RBMS3: variants seen among roughly 807,000 people sequenced by gnomAD.
RBMS3 encodes RNA binding motif single stranded interacting protein 3.
In RBMS3, 27 loss-of-function variants were observed where a neutral mutation model predicts 66.8. The observed-to-expected ratio is 0.40, with a 90% CI of 0.30 to 0.56. RBMS3 has a LOEUF of 0.56. Among genes scored for constraint, RBMS3 ranks in the 20% least tolerant of loss-of-function variants. The probability of loss-of-function intolerance (pLI) is 0.40; values close to 1 mark genes in which losing one functional copy is unlikely to be tolerated. For synonymous variants in RBMS3, 188 were observed against 183.0 expected, an observed-to-expected ratio of 1.03 and a Z score of -0.22; for missense variants, 513 against 549.5, an observed-to-expected ratio of 0.93 and a Z score of 0.66.
At chr3:29,846,537 A>G (rs2058781685) in intron 6 of RBMS3, among the ~76,000 whole-genome samples, 1 of 152,210 alleles carries the variant, frequency 6.6e-6, no homozygotes, top group African/African-American at 2.4e-5. Flanking sequence ...GGCCTTTCAA[A>G]TAATACAATA....
chr3:29,498,688 A>G (rs1188553191), intron 3 of RBMS3, among the ~76,000 whole-genome samples: 1 of 152,174 alleles, frequency 6.6e-6, no homozygotes, highest in Non-Finnish European at 1.5e-5. Flanking sequence ...TACACCTGCA[A>G]TACAAAGGTA....
rs1699833558 is a variant in RBMS3, at chr3:30,007,484, C to T, written c.*3622C>T. 6.6e-6 allele frequency: 1 copy of T among 152,054 alleles called. No individual in the cohort carries two copies. The highest frequency in any genetic ancestry group is 2.1e-4 in the South Asian group (1 of 4,830). The allele number at this position is 152,054 out of a possible 1,614,324, so 9.4% of individuals were successfully genotyped here. On this transcript the variant is annotated 3_prime_UTR_variant, in exon 15 of 15. Coordinates refer to ENST00000383767, the MANE Select transcript of RBMS3 (RefSeq NM_001003793.3). ...AGCCACAATCCAAATGAGAGAAACACTGTCTCGTCTAAACTCTAGTTTCAT... is the reference window on the plus strand; with the variant it reads ...AGCCACAATCCAAATGAGAGAAACATTGTCTCGTCTAAACTCTAGTTTCAT...
intron 1 of RBMS3, among the ~76,000 whole-genome samples, chr3:29,409,491 T>G (rs7622604): frequency 0.52 from 78,392 of 152,090 alleles, 22,602 homozygotes; most frequent in African/African-American, 0.78. Context: ...CTTGTCTGAG[T>G]AAATCGACAT....
chr3:29,480,061 C>T (rs2043078105), intron 2 of RBMS3, among the ~76,000 whole-genome samples: 1 of 152,126 alleles, frequency 6.6e-6, no homozygotes, highest in Admixed American at 6.6e-5. Context: ...GATCATTCAG[C>T]ATACAAGGAG....
intron 3 of RBMS3, among the ~76,000 whole-genome samples, chr3:29,526,628 A>AG (rs2045121796): frequency 7.0e-6 from 1 of 142,134 alleles, no homozygotes; most frequent in Non-Finnish European, 1.5e-5. Flanking sequence ...GAGGGATTTT[A>AG]GAGCCTCTTT....
chr3:29,753,003 C>T (rs571165487), intron 5 of RBMS3, among the ~76,000 whole-genome samples: 9 of 152,248 alleles, frequency 5.9e-5, no homozygotes, highest in African/African-American at 2.2e-4. Flanking sequence ...GATGCTCCTA[C>T]AAATGGAGAT....
At chr3:29,976,662 C>G (rs1388031875) in intron 12 of RBMS3, among the ~76,000 whole-genome samples, 2 of 152,082 alleles carry the variant, frequency 1.3e-5, no homozygotes, top group African/African-American at 4.8e-5. Context: ...TGCATGGTCT[C>G]TCATCCCTTG....
chr3:29,401,559 G>A (rs1026034208), intron 1 of RBMS3, among the ~76,000 whole-genome samples: 4 of 152,110 alleles, frequency 2.6e-5, no homozygotes, highest in Middle Eastern at 3.4e-3. Context: ...TAAACTTAGG[G>A]CATGTTTTAA....
At chr3:29,462,432 C>G (rs1198985846) in intron 2 of RBMS3, among the ~76,000 whole-genome samples, 1 of 152,154 alleles carries the variant, frequency 6.6e-6, no homozygotes, top group Admixed American at 6.5e-5. Context: ...GTATCATATT[C>G]TCATTTACTT....
At chr3:29,467,132 C>G (rs961765842) in intron 2 of RBMS3, among the ~76,000 whole-genome samples, 6 of 152,116 alleles carry the variant, frequency 3.9e-5, no homozygotes, top group African/African-American at 1.4e-4. Flanking sequence ...TTGCCAAATT[C>G]CCTAAATGAG....
At chr3:29,597,941 A>T (rs2048012340) in intron 4 of RBMS3, among the ~76,000 whole-genome samples, 1 of 152,166 alleles carries the variant, frequency 6.6e-6, no homozygotes, top group Non-Finnish European at 1.5e-5. Context: ...GTAACTGAAC[A>T]AAGTTGCTTG....
intron 1 of RBMS3, among the ~76,000 whole-genome samples, chr3:29,323,591 C>G (rs1046590489): frequency 3.3e-5 from 5 of 151,666 alleles, no homozygotes; most frequent in Non-Finnish European, 7.4e-5. Context: ...ACATCAGAAG[C>G]CATATGTAAT....
At chr3:29,951,862 GAAAAGATGACA>G (rs1199312761) in intron 12 of RBMS3, among the ~76,000 whole-genome samples, 1 of 151,492 alleles carries the variant, frequency 6.6e-6, no homozygotes, top group Non-Finnish European at 1.5e-5. Flanking sequence ...AATGCACAGT[GAAAAGATGACA>G]AAAGTGAACA....
intron 1 of RBMS3, among the ~76,000 whole-genome samples, chr3:29,297,582 T>G (rs983342102): frequency 2.6e-5 from 4 of 151,932 alleles, no homozygotes; most frequent in Non-Finnish European, 5.9e-5. Flanking sequence ...ACATGAATTT[T>G]CTTTATTGTT....
At chr3:29,344,154 T>G (rs1449583103) in intron 1 of RBMS3, among the ~76,000 whole-genome samples, 2 of 152,308 alleles carry the variant, frequency 1.3e-5, no homozygotes, top group Non-Finnish European at 2.9e-5. Flanking sequence ...CCTTCCTTCC[T>G]TACGTCTGTC....
At chr3:29,349,164 T>C (rs1464994516) in intron 1 of RBMS3, among the ~76,000 whole-genome samples, 1 of 152,164 alleles carries the variant, frequency 6.6e-6, no homozygotes, top group South Asian at 2.1e-4. Flanking sequence ...TGATGATAGA[T>C]TTTTCTCCAG....
intron 8 of RBMS3, among the ~76,000 whole-genome samples, chr3:29,892,537 C>T (rs1350215679): frequency 1.3e-5 from 2 of 151,490 alleles, no homozygotes; most frequent in Non-Finnish European, 3.0e-5. Flanking sequence ...GCAAAATCAC[C>T]TGTGGCTTAG....
chr3:29,392,872 G>T (rs1420720239), intron 1 of RBMS3, among the ~76,000 whole-genome samples: 2 of 150,982 alleles, frequency 1.3e-5, no homozygotes, highest in African/African-American at 4.9e-5. Context: ...GTTGCCCTTT[G>T]CCACATTATA....
intron 3 of RBMS3, among the ~76,000 whole-genome samples, chr3:29,495,587 T>G (rs2043717732): frequency 1.3e-5 from 2 of 151,752 alleles, no homozygotes; most frequent in South Asian, 4.2e-4. Context: ...CATTAATTTT[T>G]TTTTGTATTT....
Sources: allele counts gnomAD v4.1 joint callset (sites outside exome capture counted in the v4.1 genomes callset), GRCh38; gene constraint gnomAD v4.1.1; transcripts MANE v1.5; gene names NCBI Gene and HGNC (gene_info 2026-07-23, HGNC 2026-07-21).